ANKRD44: variants seen among roughly 807,000 people sequenced by gnomAD.
The protein encoded by ANKRD44 is ankyrin repeat domain 44.
ANKRD44 carries 35 observed loss-of-function variants against 116.0 expected under a neutral mutation model. That is an observed-to-expected ratio of 0.30 (90% CI 0.23 to 0.40). The LOEUF (loss-of-function observed/expected upper bound fraction) is 0.40, where lower values mean the gene tolerates loss of function less well. Ranked by LOEUF, ANKRD44 falls within the 10% of genes least tolerant of loss-of-function variation. The pLI is 1.00. For synonymous variants in ANKRD44, 435 were observed against 461.8 expected (o/e 0.94, Z 0.74); for missense variants, 1,014 against 1,242.6 (o/e 0.82, Z 2.77).
intron 2 of ANKRD44, among the ~76,000 whole-genome samples, chr2:197,156,823 G>A (rs1183749199): frequency 6.6e-6 from 1 of 152,186 alleles, no homozygotes; most frequent in Non-Finnish European, 1.5e-5. Flanking sequence ...AATTGTGTGA[G>A]TGAAACAAGT....
intron 16 of ANKRD44, among the ~76,000 whole-genome samples, chr2:197,067,903 C>A (rs1370896135): frequency 2.1e-4 from 32 of 150,208 alleles, no homozygotes; most frequent in African/African-American, 7.6e-4. Context: ...TATAAAGACA[C>A]ATGCACACGT....
chr2:197,290,435 AT>A (rs892507660), intron 1 of ANKRD44, among the ~76,000 whole-genome samples: 3 of 150,302 alleles, frequency 2.0e-5, no homozygotes, highest in African/African-American at 7.3e-5. Context: ...TGATGGGATT[AT>A]TTTTTTTTAT....
chr2:197,039,335 G>A (rs1470256271), intron 16 of ANKRD44, among the ~76,000 whole-genome samples: 1 of 152,186 alleles, frequency 6.6e-6, no homozygotes, highest in Admixed American at 6.5e-5. Context: ...TGCCCTGGCT[G>A]CTGATGCCAG....
At chr2:197,123,528 G>A (rs2078906072) in intron 6 of ANKRD44, among the ~76,000 whole-genome samples, 1 of 152,214 alleles carries the variant, frequency 6.6e-6, no homozygotes, top group South Asian at 2.1e-4. Flanking sequence ...CTGCTCAGGA[G>A]GCTGAGGCAT....
chr2:196,993,963 T>C (rs2075966432), intron 26 of ANKRD44, among the ~76,000 whole-genome samples: 1 of 152,212 alleles, frequency 6.6e-6, no homozygotes, highest in African/African-American at 2.4e-5. Context: ...CAAGCTTTGT[T>C]GTGTTTTGCA....
intron 16 of ANKRD44, among the ~76,000 whole-genome samples, chr2:197,064,056 G>C (rs567800853): frequency 1.1e-4 from 17 of 152,342 alleles, no homozygotes; most frequent in African/African-American, 4.1e-4. Flanking sequence ...AGAGAGAAAC[G>C]TCGGGTTACC....
At position 197,260,131 on chromosome 2, in the gene ANKRD44, C is replaced by T. The variant is rs555728708; in HGVS notation, c.27+50447G>A. Among the ~76,000 whole-genome samples the T allele has an allele frequency of 5.0e-3, 755 of 152,226 alleles. 10 individuals are homozygous for T. The highest frequency in any genetic ancestry group is 0.018 in the African/African-American group (727 of 41,536). ...TAAGTTTTAGGGTACATGTGCACAA[C>T]GTGCAGGTTTGTTACATATGTATAC... On this transcript the variant is annotated intron_variant, in intron 1 of 27. Coordinates refer to ENST00000282272, the MANE Select transcript of ANKRD44 (RefSeq NM_001195144.2).
chr2:197,153,241 A>AAAC (rs1173006674), intron 2 of ANKRD44, among the ~76,000 whole-genome samples: 1 of 127,002 alleles, frequency 7.9e-6, no homozygotes, highest in Non-Finnish European at 1.8e-5. Flanking sequence ...AAAAAAAAAA[A>AAAC]AAAAAAGAAG....
intron 16 of ANKRD44, among the ~76,000 whole-genome samples, chr2:197,035,001 C>T (rs1172683533): frequency 6.6e-6 from 1 of 152,158 alleles, no homozygotes; most frequent in Non-Finnish European, 1.5e-5. Context: ...GTTTCTCAAT[C>T]TGGAGGCATT....
intron 2 of ANKRD44, among the ~76,000 whole-genome samples, chr2:197,170,252 C>T (rs1478973873): frequency 1.3e-5 from 2 of 148,380 alleles, no homozygotes; most frequent in South Asian, 2.1e-4. Context: ...TTGAGAAACA[C>T]GGTGTTCAAG....
At chr2:197,015,816 C>A in intron 17 of ANKRD44, 1 of 511,180 alleles carries the variant, frequency 2.0e-6, no homozygotes, top group Non-Finnish European at 3.7e-6. Flanking sequence ...ATGGTGGTTA[C>A]AATGAAGGAG....
At chr2:197,061,499 TA>T (rs2077311402) in intron 16 of ANKRD44, among the ~76,000 whole-genome samples, 2 of 152,046 alleles carry the variant, frequency 1.3e-5, no homozygotes, top group African/African-American at 4.8e-5. Context: ...CTACAGAAAG[TA>T]AAAACAGGAG....
chr2:197,284,707 G>A (rs1045231685), intron 1 of ANKRD44, among the ~76,000 whole-genome samples: 3 of 151,840 alleles, frequency 2.0e-5, no homozygotes, highest in African/African-American at 7.3e-5. Flanking sequence ...CCAACATGGT[G>A]AAACCCCGTC....
intron 10 of ANKRD44, among the ~76,000 whole-genome samples, chr2:197,096,344 C>A (rs900551486): frequency 3.3e-5 from 5 of 152,010 alleles, no homozygotes; most frequent in East Asian, 1.9e-4. Context: ...AACTATAATA[C>A]CCCTAATTCT....
In ANKRD44 at chr2:197,023,928, A is replaced by T. The variant is rs965212686; in HGVS notation, c.1722+1268T>A. Among the ~76,000 whole-genome samples the T allele has an allele frequency of 2.6e-5, 4 of 152,184 alleles. No individual in the cohort carries two copies. The South Asian group carries it at 8.3e-4, about 31-fold the overall frequency. ...ACAGACTGATGCACACTTTACCCTG[A>T]TTTCACTGGACTCAAAATGCATGTG... On this transcript the variant is annotated intron_variant, in intron 17 of 27. Coordinates refer to ENST00000282272, the MANE Select transcript of ANKRD44 (RefSeq NM_001195144.2).
chr2:197,173,775 G>T (rs1173314427), intron 2 of ANKRD44, among the ~76,000 whole-genome samples: 1 of 152,180 alleles, frequency 6.6e-6, no homozygotes, highest in Admixed American at 6.5e-5. Context: ...GCTCACACCT[G>T]TAATCCAAAC....
chr2:196,993,133 A>G (rs931224408), intron 27 of ANKRD44, among the ~76,000 whole-genome samples: 4 of 152,222 alleles, frequency 2.6e-5, no homozygotes, highest in Non-Finnish European at 4.4e-5. Context: ...TGGGAATATG[A>G]GTTCTGATCT....
Position 197,306,016 on chromosome 2 carries a change from C to A in ANKRD44, c.27+4562G>T, listed in dbSNP as rs144555283. Reference sequence around the variant, plus strand: ...ATGAAAAAAATCACTGAACTACCAACACATCATTCACCGGGGTGAGGAAAT... The same window carrying A: ...ATGAAAAAAATCACTGAACTACCAAAACATCATTCACCGGGGTGAGGAAAT... On this transcript the variant is annotated intron_variant, in intron 1 of 27. Transcript: ENST00000282272. Among the ~76,000 whole-genome samples the A allele has an allele frequency of 4.5e-3, 628 of 138,872 alleles. 4 individuals carry two copies. Among genetic ancestry groups the A allele is most frequent in the African/African-American group, 0.018 (600 of 33,368 alleles). The allele number at this position is 138,872 out of a possible 152,430, so 91.1% of individuals were successfully genotyped here. A position where few individuals can be genotyped will look rare whatever the true frequency, so the allele number is the denominator to read the frequency against.
chr2:196,967,770 A>C (rs971500341), intron 21 of ANKRD44, among the ~76,000 whole-genome samples: 1 of 152,238 alleles, frequency 6.6e-6, no homozygotes, highest in Non-Finnish European at 1.5e-5. Context: ...TCTGAAAAAC[A>C]ATTCTCACAG....
Sources: gnomAD v4.1 joint callset for allele counts (sites outside exome capture counted in the v4.1 genomes callset) on GRCh38, gnomAD v4.1.1 for gene constraint, MANE v1.5 for transcripts, NCBI Gene and HGNC (gene_info 2026-07-23, HGNC 2026-07-21) for gene names.